ANLN: variants seen among roughly 807,000 people sequenced by gnomAD.
ANLN encodes anillin.
A neutral mutation model predicts 135.1 loss-of-function variants in ANLN; 59 were observed. The ratio of observed to expected loss-of-function variants is 0.44; its 90% CI spans 0.35 to 0.54. The LOEUF is 0.54. Among genes scored for constraint, ANLN ranks in the 20% least tolerant of loss-of-function variants. The pLI is 0.00. For missense variants in ANLN, 1,182 were observed against 1,340.0 expected, an observed-to-expected ratio of 0.88 and a Z score of 1.84; for synonymous variants, 406 against 456.4, an observed-to-expected ratio of 0.89 and a Z score of 1.41.
chr7:36,406,807 A>G (rs1787211375), intron 4 of ANLN, among the ~76,000 whole-genome samples: 1 of 152,238 alleles, frequency 6.6e-6, no homozygotes, highest in Non-Finnish European at 1.5e-5. Flanking sequence ...ATGCAAATCC[A>G]GAGTCTATAA....
chr7:36,402,363 T>G (rs886186487), intron 3 of ANLN, among the ~76,000 whole-genome samples: 1 of 151,660 alleles, frequency 6.6e-6, no homozygotes, highest in Non-Finnish European at 1.5e-5. Context: ...TCCACCCGCC[T>G]CGGCCTCCCA....
At chr7:36,446,225 T>C (rs1457482172) in intron 22 of ANLN, among the ~76,000 whole-genome samples, 1 of 152,240 alleles carries the variant, frequency 6.6e-6, no homozygotes, top group Non-Finnish European at 1.5e-5. Context: ...AAACTATCCT[T>C]ATCCTGGAGT....
intron 1 of ANLN, among the ~76,000 whole-genome samples, chr7:36,390,877 CTT>C (rs1433843887): frequency 6.6e-6 from 1 of 152,188 alleles, no homozygotes; most frequent in Admixed American, 6.5e-5. Flanking sequence ...TGTCCACTCT[CTT>C]TTATTCCAGG....
At chr7:36,420,840 C>G (rs980049805) in intron 12 of ANLN, 96 bp downstream of exon 12, 22 of 1,303,768 alleles carry the variant, frequency 1.7e-5, no homozygotes, top group African/African-American at 4.4e-5. Flanking sequence ...ATCTCTGAAC[C>G]CTGAGTGGCC....
chr7:36,393,008 A>T (rs1805231663), intron 1 of ANLN, among the ~76,000 whole-genome samples: 1 of 151,436 alleles, frequency 6.6e-6, no homozygotes. Context: ...TAGAAAGGAG[A>T]CATTATTTCT....
At chr7:36,416,055 G>C (rs908759540) in intron 8 of ANLN, among the ~76,000 whole-genome samples, 171 bp downstream of exon 8, 4 of 152,100 alleles carry the variant, frequency 2.6e-5, no homozygotes, top group African/African-American at 9.7e-5. Flanking sequence ...TTCTTGCCCT[G>C]TTGCCCATGC....
chr7:36,443,221 G>A (rs894340752), intron 21 of ANLN, among the ~76,000 whole-genome samples: 1 of 152,196 alleles, frequency 6.6e-6, no homozygotes, highest in Non-Finnish European at 1.5e-5. Context: ...TCACGGCCCA[G>A]CAGTGGGCTT....
chr7:36,442,992 G>A (rs1309297319), intron 21 of ANLN, among the ~76,000 whole-genome samples: 1 of 151,572 alleles, frequency 6.6e-6, no homozygotes, highest in Non-Finnish European at 1.5e-5. Context: ...TTAGGGCTCT[G>A]TTATGACTAT....
At chr7:36,443,718 A>C (rs1395415132) in intron 21 of ANLN, 37 bp from the exon 22 acceptor site, 16 of 1,435,766 alleles carry the variant, frequency 1.1e-5, no homozygotes, top group African/African-American at 1.4e-5. Context: ...CATTTTCCTC[A>C]ACTTTCTAAA....
chr7:36,434,940 G>A (rs1259124405), intron 20 of ANLN, among the ~76,000 whole-genome samples: 2 of 152,086 alleles, frequency 1.3e-5, no homozygotes, highest in Non-Finnish European at 2.9e-5. Context: ...AACAGAAAGC[G>A]TATCATTGGT....
intron 20 of ANLN, among the ~76,000 whole-genome samples, chr7:36,433,600 A>T (rs1788414087): frequency 6.6e-6 from 1 of 152,130 alleles, no homozygotes; most frequent in African/African-American, 2.4e-5. Context: ...ATACTCAGCC[A>T]TTGTCTCTTA....
chr7:36,413,261 A>T (rs1321751893), intron 7 of ANLN, among the ~76,000 whole-genome samples: 1 of 151,800 alleles, frequency 6.6e-6, no homozygotes, highest in African/African-American at 2.4e-5. Context: ...TCTACAAGTT[A>T]TTCCTACTTG....
At chr7:36,406,098 A>C in intron 3 of ANLN, 83 bp from the exon 4 acceptor site, 1 of 1,334,044 alleles carries the variant, frequency 7.5e-7, no homozygotes, top group East Asian at 2.4e-5. Flanking sequence ...TCATTTAAAA[A>C]TTCAGCATAG....
intron 21 of ANLN, among the ~76,000 whole-genome samples, chr7:36,441,597 G>A (rs547864982): frequency 2.0e-5 from 3 of 152,218 alleles, no homozygotes; most frequent in African/African-American, 7.2e-5. Flanking sequence ...AGAGGCAGGC[G>A]CTCTGGATTG....
intron 20 of ANLN, among the ~76,000 whole-genome samples, chr7:36,435,540 C>CT (rs1462511568): frequency 6.6e-6 from 1 of 152,044 alleles, no homozygotes; most frequent in Non-Finnish European, 1.5e-5. Context: ...AATGTGTACT[C>CT]TTTTGAATCT....
chr7:36,436,540 T>C (rs1788557481), intron 20 of ANLN, among the ~76,000 whole-genome samples: 1 of 152,236 alleles, frequency 6.6e-6, no homozygotes, highest in African/African-American at 2.4e-5. Flanking sequence ...ACTGCTAAAC[T>C]CTTTTTCAAA....
intron 13 of ANLN, 138 bp from the exon 14 acceptor site, chr7:36,422,495 C>T (rs891462951): frequency 2.8e-5 from 20 of 722,924 alleles, no homozygotes; most frequent in Non-Finnish European, 4.3e-5. Context: ...AACCACCTAC[C>T]ATGTTTTATA....
At position 36,452,341 on chromosome 7, in the gene ANLN, A is replaced by G. The variant is rs1038329383; in HGVS notation, c.3252-136A>G. ...GATGCACCTCACTAAGTGGCTGTGGATTAGCATCCATAAAAGGTGGTTAAA... is the reference window on the plus strand; with the variant it reads ...GATGCACCTCACTAAGTGGCTGTGGGTTAGCATCCATAAAAGGTGGTTAAA... On this transcript the variant is annotated intron_variant, in intron 23 of 23. Coordinates refer to ENST00000265748, the MANE Select transcript of ANLN (RefSeq NM_018685.5). The G allele has an allele frequency of 7.3e-6, 8 of 1,100,126 alleles. No individual in the cohort carries two copies. In the African/African-American group the frequency reaches 1.2e-4, roughly 17 times the overall value. 68.1% of individuals were successfully genotyped at this position (1,100,126 alleles called of 1,614,324 possible).
rs1323243348 is a variant in ANLN at position 36,419,307 on chromosome 7, A to G, written c.1697A>G (p.Asn566Ser). Residue 566 changes from asparagine (N) to serine (S), a missense_variant, in exon 10 of 24, where the codon AAT (asparagine) becomes AGT (serine). Coordinates refer to ENST00000265748, the MANE Select transcript of ANLN (RefSeq NM_018685.5). ...DDDINSSKVI[N>S]DLFSDVLEEG... The stretch of plus-strand genomic sequence containing the variant: ...GATATCAATAGTTCGAAAGTAATTA[A>G]TGACCTCTTCAGTGATGTCCTAGAG... 7 of 1,614,172 alleles carry G rather than the reference A, an allele frequency of 4.3e-6. No homozygotes were observed. The highest frequency in any genetic ancestry group is 4.0e-5 in the African/African-American group (3 of 75,058).
Sources: allele counts gnomAD v4.1 joint callset (sites outside exome capture counted in the v4.1 genomes callset), GRCh38; gene constraint gnomAD v4.1.1; transcripts MANE v1.5; gene names NCBI Gene and HGNC (gene_info 2026-07-23, HGNC 2026-07-21).